COP1: variants seen among roughly 807,000 people sequenced by gnomAD.
COP1 encodes E3 ubiquitin-protein ligase COP1.
Under a neutral mutation model 101.3 loss-of-function variants are expected in COP1, and 24 were observed. The ratio of observed to expected loss-of-function variants is 0.24; its 90% CI spans 0.17 to 0.33. The LOEUF (loss-of-function observed/expected upper bound fraction) is 0.33. COP1 is among the 10% of genes least tolerant of loss of function. The probability of loss-of-function intolerance (pLI) is 1.00; values close to 1 mark genes in which losing one functional copy is unlikely to be tolerated. For missense variants in COP1, 663 were observed against 906.2 expected, an observed-to-expected ratio of 0.73 and a Z score of 3.45; for synonymous variants, 347 against 341.9, an observed-to-expected ratio of 1.01 and a Z score of -0.17.
At chr1:176,147,510 G>C (rs1253665069) in intron 6 of COP1, among the ~76,000 whole-genome samples, 1 of 151,972 alleles carries the variant, frequency 6.6e-6, no homozygotes, top group African/African-American at 2.4e-5. Context: ...TACACTAGAG[G>C]CACAAATATC....
At chr1:175,995,010 G>A (rs1194357345) in intron 15 of COP1, among the ~76,000 whole-genome samples, 1 of 152,074 alleles carries the variant, frequency 6.6e-6, no homozygotes, top group Non-Finnish European at 1.5e-5. Context: ...GCTCTCCTCA[G>A]CAAATGCAAA....
chr1:176,121,031 T>C (rs1468941055), intron 8 of COP1, among the ~76,000 whole-genome samples: 1 of 151,924 alleles, frequency 6.6e-6, no homozygotes, highest in African/African-American at 2.4e-5. Context: ...CACATAAAAT[T>C]AGACTATTAT....
intron 3 of COP1, among the ~76,000 whole-genome samples, chr1:176,171,367 T>C (rs1379977769): frequency 1.3e-5 from 2 of 152,206 alleles, no homozygotes; most frequent in African/African-American, 4.8e-5. Flanking sequence ...CTCACCTCTC[T>C]GAGCCTTCAC....
intron 9 of COP1, among the ~76,000 whole-genome samples, chr1:176,100,793 T>C (rs1190544547): frequency 6.6e-6 from 1 of 152,138 alleles, no homozygotes; most frequent in East Asian, 1.9e-4. Flanking sequence ...TTCTCCCTTG[T>C]TGGAGCAGGA....
At chr1:176,013,239 G>A (rs1665002597) in intron 15 of COP1, among the ~76,000 whole-genome samples, 1 of 152,032 alleles carries the variant, frequency 6.6e-6, no homozygotes, top group East Asian at 1.9e-4. Flanking sequence ...AGATGCCCAA[G>A]GGTACAGAGG....
chr1:176,195,582 T>C (rs532529628), intron 1 of COP1, among the ~76,000 whole-genome samples: 3 of 151,968 alleles, frequency 2.0e-5, no homozygotes, highest in African/African-American at 7.2e-5. Flanking sequence ...ATGAAACGAG[T>C]CTCTATAAAA....
intron 3 of COP1, among the ~76,000 whole-genome samples, chr1:176,174,936 T>A (rs1696699776): frequency 6.6e-6 from 1 of 152,198 alleles, no homozygotes; most frequent in South Asian, 2.1e-4. Context: ...CATGCAGAAT[T>A]TTTCTGATAT....
Position 175,976,270 on chromosome 1 carries a change from C to CTTTTTTTTTTTTTTT in COP1, c.2133+10658_2133+10672dup, listed in dbSNP as rs10694480. On this transcript the variant is annotated intron_variant, in intron 18 of 19. Transcript: ENST00000367669. ...TAAGTCTCTATATCAATTAGTCATT[C>CTTTTTTTTTTTTTTT]TTTTTTTTTTTTTTTTTTTTTTTTT... Among the ~76,000 whole-genome samples the CTTTTTTTTTTTTTTT allele has an allele frequency of 5.6e-3, 318 of 56,860 alleles. 94 individuals are homozygous for CTTTTTTTTTTTTTTT. The highest frequency in any genetic ancestry group is 5.9e-3 in the Admixed American group (18 of 3,030). The allele number at this position is 56,860 out of a possible 152,430, so 37.3% of individuals were successfully genotyped here. A position where few individuals can be genotyped will look rare whatever the true frequency, so the allele number is the denominator to read the frequency against.
intron 18 of COP1, among the ~76,000 whole-genome samples, chr1:175,966,765 T>C (rs1406177240): frequency 6.6e-6 from 1 of 152,246 alleles, no homozygotes; most frequent in Non-Finnish European, 1.5e-5. Flanking sequence ...CCTTGTTACA[T>C]GGAAAATTTG....
intron 15 of COP1, among the ~76,000 whole-genome samples, chr1:176,026,177 CAAG>C (rs995055118): frequency 6.6e-6 from 1 of 151,646 alleles, no homozygotes; most frequent in Non-Finnish European, 1.5e-5. Context: ...TCCTATTTTC[CAAG>C]AAGGAGAAAA....
intron 14 of COP1, 53 bp from the exon 15 acceptor site, chr1:176,027,741 A>G: frequency 9.5e-7 from 1 of 1,049,456 alleles, no homozygotes; most frequent in African/African-American, 1.6e-5. Flanking sequence ...TACATTAGTA[A>G]ATGCTTCTGT....
intron 2 of COP1, among the ~76,000 whole-genome samples, chr1:176,176,702 G>A (rs1696987060): frequency 6.6e-6 from 1 of 152,040 alleles, no homozygotes; most frequent in South Asian, 2.1e-4. Flanking sequence ...GCAGCTACTG[G>A]GAGGGTGAGG....
intron 9 of COP1, among the ~76,000 whole-genome samples, chr1:176,111,948 G>A (rs967550957): frequency 2.0e-5 from 3 of 152,184 alleles, no homozygotes; most frequent in African/African-American, 4.8e-5. Context: ...TCTAACAGAT[G>A]CTAAGAATTC....
chr1:176,051,369 C>A (rs1433453019), intron 11 of COP1, among the ~76,000 whole-genome samples: 1 of 152,102 alleles, frequency 6.6e-6, no homozygotes, highest in Non-Finnish European at 1.5e-5. Flanking sequence ...CTGAACAATT[C>A]CTAACTTAAT....
At chr1:176,063,231 T>C (rs1356573696) in intron 11 of COP1, among the ~76,000 whole-genome samples, 1 of 151,568 alleles carries the variant, frequency 6.6e-6, no homozygotes, top group Non-Finnish European at 1.5e-5. Context: ...GGCTAATTTT[T>C]TTGTATTTTT....
chr1:176,120,434 TA>T (rs377700975), intron 8 of COP1, among the ~76,000 whole-genome samples: 60 of 124,084 alleles, frequency 4.8e-4, no homozygotes, highest in Non-Finnish European at 4.6e-4. Flanking sequence ...CTCCAAAAAA[TA>T]AAAAAAAAAA....
intron 11 of COP1, among the ~76,000 whole-genome samples, chr1:176,065,439 TTA>T (rs1411352865): frequency 6.6e-6 from 1 of 152,146 alleles, no homozygotes; most frequent in Non-Finnish European, 1.5e-5. Flanking sequence ...TGTCAAATAT[TTA>T]TGTTATAAAA....
At chr1:176,078,765 C>T (rs1202518233) in intron 11 of COP1, among the ~76,000 whole-genome samples, 4 of 151,732 alleles carry the variant, frequency 2.6e-5, no homozygotes, top group Non-Finnish European at 1.5e-5. Flanking sequence ...GGCCTAATCT[C>T]TAAAATCTAC....
intron 18 of COP1, among the ~76,000 whole-genome samples, chr1:175,962,085 T>C (rs984322709): frequency 6.6e-6 from 1 of 151,934 alleles, no homozygotes; most frequent in Non-Finnish European, 1.5e-5. Context: ...CAAAAGTCAG[T>C]GACTGCCTTT....
Sources: gnomAD v4.1 joint callset for allele counts (sites outside exome capture counted in the v4.1 genomes callset) on GRCh38, gnomAD v4.1.1 for gene constraint, MANE v1.5 for transcripts, NCBI Gene and HGNC (gene_info 2026-07-23, HGNC 2026-07-21) for gene names.